AMMECR1: variants seen among roughly 807,000 people sequenced by gnomAD.
AMMECR1 encodes the protein AMMECR nuclear protein 1.
AMMECR1 carries 3 observed loss-of-function variants against 22.5 expected under a neutral mutation model. That is an observed-to-expected ratio of 0.13 (90% CI 0.06 to 0.35). The LOEUF (loss-of-function observed/expected upper bound fraction) is 0.35. Ranked by LOEUF, AMMECR1 falls within the 10% of genes least tolerant of loss-of-function variation. The pLI is 1.00. For synonymous variants in AMMECR1, 130 were observed against 116.7 expected, an observed-to-expected ratio of 1.11 and a Z score of -0.74; for missense variants, 235 against 278.7, an observed-to-expected ratio of 0.84 and a Z score of 1.12.
chrX:110,359,621 C>A (rs958708671), intron 2 of AMMECR1, among the ~76,000 whole-genome samples: 1 of 111,597 alleles, frequency 9.0e-6, no homozygotes, highest in African/African-American at 3.3e-5. Flanking sequence ...ATTTAACTAT[C>A]TATTCATTAA....
At chrX:110,340,084 A>AC (rs1471627778) in intron 2 of AMMECR1, among the ~76,000 whole-genome samples, 1 of 108,495 alleles carries the variant, frequency 9.2e-6, no homozygotes, top group African/African-American at 3.4e-5. Flanking sequence ...TGGCTCCACT[A>AC]CTTACTAGCT....
intron 2 of AMMECR1, among the ~76,000 whole-genome samples, chrX:110,418,478 A>C (rs2068693947): frequency 8.9e-6 from 1 of 112,238 alleles, no homozygotes; most frequent in Non-Finnish European, 1.9e-5. Context: ...AGCAGCTAGC[A>C]TAGGCAGTTA....
intron 2 of AMMECR1, among the ~76,000 whole-genome samples, chrX:110,360,521 T>C (rs2068256382): frequency 9.0e-6 from 1 of 111,712 alleles, no homozygotes; most frequent in African/African-American, 3.3e-5. Flanking sequence ...AATTGAGTTA[T>C]ATTTTGGAGG....
At chrX:110,374,436 A>G (rs1462509947) in intron 2 of AMMECR1, among the ~76,000 whole-genome samples, 1 of 111,957 alleles carries the variant, frequency 8.9e-6, no homozygotes, top group Non-Finnish European at 1.9e-5. Context: ...ACAGCCTGAG[A>G]TTGGATCCCC....
At chrX:110,368,912 C>T in intron 2 of AMMECR1, among the ~76,000 whole-genome samples, 2 of 111,967 alleles carry the variant, frequency 1.8e-5, no homozygotes, top group South Asian at 7.6e-4. Context: ...CAGCAATCCC[C>T]CACCCAGTGC....
intron 2 of AMMECR1, among the ~76,000 whole-genome samples, chrX:110,403,384 T>A (rs968154810): frequency 8.9e-6 from 1 of 112,360 alleles, no homozygotes; most frequent in Non-Finnish European, 1.9e-5. Flanking sequence ...CCACTGAAAG[T>A]GGACTTGACC....
intron 2 of AMMECR1, among the ~76,000 whole-genome samples, chrX:110,407,570 G>A (rs2068611560): frequency 8.9e-6 from 1 of 112,343 alleles, no homozygotes; most frequent in African/African-American, 3.2e-5. Context: ...TGAGCAAACT[G>A]CAGCTCAGAG....
chrX:110,241,608 A>C (rs1044680146), intron 2 of AMMECR1, among the ~76,000 whole-genome samples: 1 of 110,571 alleles, frequency 9.0e-6, no homozygotes. Flanking sequence ...GGAGTTGAAC[A>C]ATGAGAACAC....
chrX:110,319,155 T>C (rs952599730), upstream of AMMECR1, among the ~76,000 whole-genome samples: 2 of 112,538 alleles, frequency 1.8e-5, no homozygotes, highest in Non-Finnish European at 3.8e-5. Flanking sequence ...AGGAGACATA[T>C]GAGTCAGTCC....
intron 1 of AMMECR1, among the ~76,000 whole-genome samples, chrX:110,303,197 A>T: frequency 8.9e-6 from 1 of 111,848 alleles, no homozygotes; most frequent in Non-Finnish European, 1.9e-5. Flanking sequence ...AAACAGAAGC[A>T]AAGGTTCTAT....
intron 1 of AMMECR1, among the ~76,000 whole-genome samples, chrX:110,307,467 T>A (rs1054607330): frequency 8.9e-6 from 1 of 111,811 alleles, no homozygotes; most frequent in Non-Finnish European, 1.9e-5. Context: ...CCTGGGTCTA[T>A]CATTTAATAG....
chrX:110,334,107 ACT>A (rs1376939016), intron 2 of AMMECR1, among the ~76,000 whole-genome samples: 1 of 111,575 alleles, frequency 9.0e-6, no homozygotes, highest in African/African-American at 3.3e-5. Flanking sequence ...TTGCCTTATC[ACT>A]CTGTTGGTAT....
intron 2 of AMMECR1, among the ~76,000 whole-genome samples, chrX:110,254,680 G>C (rs1312925192): frequency 1.8e-5 from 2 of 111,928 alleles, no homozygotes; most frequent in Non-Finnish European, 3.8e-5. Flanking sequence ...GTTATACCAT[G>C]AATTTAGGTT....
intron 2 of AMMECR1, among the ~76,000 whole-genome samples, chrX:110,235,861 C>T (rs7887751): frequency 0.051 from 5,635 of 110,819 alleles, 370 homozygotes; most frequent in African/African-American, 0.18. Flanking sequence ...ATACCTAATG[C>T]AAATGATGAG....
chrX:110,241,461 C>T (rs780446222), intron 2 of AMMECR1, among the ~76,000 whole-genome samples: 25 of 111,865 alleles, frequency 2.2e-4, no homozygotes, highest in Admixed American at 4.7e-4. Flanking sequence ...AACACCTCTA[C>T]GCACGTAAAC....
At chrX:110,326,113 C>T (rs1438994370) in intron 2 of AMMECR1, among the ~76,000 whole-genome samples, 1 of 111,126 alleles carries the variant, frequency 9.0e-6, no homozygotes, top group Non-Finnish European at 1.9e-5. Context: ...CCTCAGCCTC[C>T]TGAGTAGCTG....
intron 2 of AMMECR1, among the ~76,000 whole-genome samples, chrX:110,359,392 C>G (rs1289194105): frequency 1.8e-5 from 2 of 111,267 alleles, no homozygotes; most frequent in Admixed American, 1.9e-4. Flanking sequence ...TACTCATGAA[C>G]GACATGCTCT....
intron 2 of AMMECR1, among the ~76,000 whole-genome samples, chrX:110,389,611 T>C (rs1435088645): frequency 1.8e-5 from 2 of 112,003 alleles, no homozygotes; most frequent in African/African-American, 3.2e-5. Flanking sequence ...ATTCAATCTT[T>C]TTGTTTTTTT....
At chrX:110,382,234 T>A (rs1423352148) in intron 2 of AMMECR1, among the ~76,000 whole-genome samples, 1 of 110,153 alleles carries the variant, frequency 9.1e-6, no homozygotes, top group Non-Finnish European at 1.9e-5. Context: ...AAACACAAGA[T>A]AATTATATAC....
Sources: allele counts gnomAD v4.1 joint callset (sites outside exome capture counted in the v4.1 genomes callset), GRCh38; gene constraint gnomAD v4.1.1; transcripts MANE v1.5; gene names NCBI Gene and HGNC (gene_info 2026-07-23, HGNC 2026-07-21).